NBEA: variants seen among roughly 807,000 people sequenced by gnomAD.
NBEA encodes the protein lysosomal-trafficking regulator 2.
In NBEA, 44 loss-of-function variants were observed where a neutral mutation model predicts 343.4. The observed-to-expected ratio is 0.13, with a 90% CI of 0.10 to 0.16. The LOEUF (loss-of-function observed/expected upper bound fraction) is 0.16. Ranked by LOEUF, NBEA falls within the 10% of genes least tolerant of loss-of-function variation. The pLI is 1.00. For missense variants in NBEA, 2,555 were observed against 3,631.3 expected, an observed-to-expected ratio of 0.70 and a Z score of 7.62; for synonymous variants, 1,175 against 1,238.7, an observed-to-expected ratio of 0.95 and a Z score of 1.08.
At chr13:35,218,523 T>C (rs953753819) in intron 33 of NBEA, among the ~76,000 whole-genome samples, 1 of 152,058 alleles carries the variant, frequency 6.6e-6, no homozygotes, top group Non-Finnish European at 1.5e-5. Context: ...TGCCACCCAG[T>C]ACCTCTAATG....
intron 38 of NBEA, among the ~76,000 whole-genome samples, chr13:35,383,679 T>C (rs898079140): frequency 3.9e-5 from 6 of 152,082 alleles, no homozygotes; most frequent in African/African-American, 1.2e-4. Flanking sequence ...CAGGATCTAT[T>C]GGACGTAGCT....
intron 41 of NBEA, chr13:35,476,069 T>C: frequency 6.2e-7 from 1 of 1,614,202 alleles, no homozygotes; most frequent in Non-Finnish European, 8.5e-7. Context: ...ATGGCAGCTT[T>C]CCTGGCTTGG....
At chr13:35,436,642 G>A (rs143169133) in intron 39 of NBEA, among the ~76,000 whole-genome samples, 21 of 151,552 alleles carry the variant, frequency 1.4e-4, no homozygotes, top group Non-Finnish European at 2.5e-4. Context: ...CCCGGGAGAC[G>A]GAGCTTGCAG....
chr13:35,202,086 C>A (rs376430073), intron 31 of NBEA, among the ~76,000 whole-genome samples: 32 of 152,114 alleles, frequency 2.1e-4, no homozygotes, highest in African/African-American at 7.5e-4. Context: ...ATTCCTTTAA[C>A]CTACCTTGTT....
chr13:35,160,429 GC>G (rs1434013373), intron 22 of NBEA, among the ~76,000 whole-genome samples: 3 of 152,000 alleles, frequency 2.0e-5, no homozygotes, highest in African/African-American at 4.8e-5. Flanking sequence ...TAAGCTTCAG[GC>G]CCAACCCTGT....
At chr13:34,986,791 G>A (rs2060564374) in intron 1 of NBEA, among the ~76,000 whole-genome samples, 1 of 148,728 alleles carries the variant, frequency 6.7e-6, no homozygotes, top group Non-Finnish European at 1.5e-5. Flanking sequence ...ATTATGTAAT[G>A]GCCATTGGTT....
chr13:35,138,301 A>G (rs1239353937), intron 17 of NBEA, among the ~76,000 whole-genome samples: 1 of 152,150 alleles, frequency 6.6e-6, no homozygotes. Flanking sequence ...AAATTAAAAT[A>G]TAAAAGCTTT....
chr13:35,526,768 C>T (rs889577155), intron 41 of NBEA, among the ~76,000 whole-genome samples: 1 of 152,192 alleles, frequency 6.6e-6, no homozygotes, highest in South Asian at 2.1e-4. Flanking sequence ...GTGCATGGTC[C>T]GGCCACCGTG....
intron 55 of NBEA, among the ~76,000 whole-genome samples, chr13:35,663,967 G>T (rs190792648): frequency 6.6e-6 from 1 of 152,338 alleles, no homozygotes; most frequent in Non-Finnish European, 1.5e-5. Context: ...GGAGACAGAA[G>T]ATAGGCAGGT....
chr13:35,605,063 A>G (rs1024179013), intron 47 of NBEA, among the ~76,000 whole-genome samples: 5 of 152,116 alleles, frequency 3.3e-5, no homozygotes, highest in Non-Finnish European at 7.4e-5. Flanking sequence ...GGTACTAAAA[A>G]CCTTTACTGT....
intron 39 of NBEA, among the ~76,000 whole-genome samples, chr13:35,439,071 C>G (rs1417739959): frequency 6.6e-6 from 1 of 152,182 alleles, no homozygotes; most frequent in Non-Finnish European, 1.5e-5. Context: ...TTTCTTCCAT[C>G]TAACAGCACA....
chr13:35,303,700 T>G (rs2036700663), intron 35 of NBEA, among the ~76,000 whole-genome samples: 1 of 152,184 alleles, frequency 6.6e-6, no homozygotes, highest in African/African-American at 2.4e-5. Flanking sequence ...CTGTCACCTT[T>G]CATCTCTTGT....
chr13:34,961,954 A>T (rs781125650), intron 1 of NBEA, among the ~76,000 whole-genome samples: 1 of 152,128 alleles, frequency 6.6e-6, no homozygotes, highest in Non-Finnish European at 1.5e-5. Context: ...TAGGTGTAAA[A>T]AAAATGTAAA....
At chr13:35,563,283 G>T (rs1357165495) in intron 44 of NBEA, among the ~76,000 whole-genome samples, 1 of 151,342 alleles carries the variant, frequency 6.6e-6, no homozygotes, top group East Asian at 1.9e-4. Flanking sequence ...CTATCCTAAA[G>T]AAAAAACAAA....
At chr13:35,636,417 A>G (rs1467270632) in intron 49 of NBEA, among the ~76,000 whole-genome samples, 2 of 152,224 alleles carry the variant, frequency 1.3e-5, no homozygotes, top group Non-Finnish European at 2.9e-5. Context: ...TTCTCACTTT[A>G]GTATACTAAA....
At position 35,069,249 on chromosome 13, in the gene NBEA, A is replaced by G. The variant is rs566931454; in HGVS notation, c.1240-659A>G. ...GTGATTATTGCAAAGGTTAAATATT[A>G]TTTATCATTATTAGATTCATATCTG... On this transcript the variant is annotated intron_variant, in intron 8 of 58. Coordinates refer to ENST00000379939, the MANE Select transcript of NBEA (RefSeq NM_001385012.1). Among the ~76,000 whole-genome samples, 7 of 152,230 alleles carry G rather than the reference A, an allele frequency of 4.6e-5. No homozygotes were observed. In the East Asian group the frequency reaches 1.2e-3, roughly 25 times the overall value.
chr13:35,420,481 T>G (rs150941986), intron 38 of NBEA, among the ~76,000 whole-genome samples: 1 of 152,152 alleles, frequency 6.6e-6, no homozygotes, highest in East Asian at 1.9e-4. Flanking sequence ...TAGTTTTCTT[T>G]TTTTGTACTG....
chr13:35,019,698 G>A (rs1471397227), intron 1 of NBEA, among the ~76,000 whole-genome samples: 7 of 152,066 alleles, frequency 4.6e-5, no homozygotes, highest in African/African-American at 1.7e-4. Flanking sequence ...ATAGATATAG[G>A]ACTATTTAGA....
rs180809992 is a variant in NBEA, at chr13:35,435,058, C to T, written c.6304+2665C>T. 1.1e-4 allele frequency among the ~76,000 whole-genome samples: 16 copies of T among 152,214 alleles called. No homozygotes were observed. The East Asian group carries it at 2.7e-3, about 26-fold the overall frequency. On this transcript the variant is annotated intron_variant, in intron 39 of 58. Transcript: ENST00000379939. ...TTGTTTGTTTGTTGTGACGGAATTT[C>T]ACTCTTGTTGCCCAGGCTGGAGTGC...
Sources: allele counts gnomAD v4.1 joint callset (sites outside exome capture counted in the v4.1 genomes callset), GRCh38; gene constraint gnomAD v4.1.1; transcripts MANE v1.5; gene names NCBI Gene and HGNC (gene_info 2026-07-23, HGNC 2026-07-21).